Variants in CARMIL1 observed in about 807,000 individuals in gnomAD.
The protein encoded by CARMIL1 is capping protein regulator and myosin 1 linker 1.
A neutral mutation model predicts 177.1 loss-of-function variants in CARMIL1; 90 were observed. The ratio of observed to expected loss-of-function variants is 0.51; its 90% CI spans 0.43 to 0.61. The LOEUF is 0.61. CARMIL1 is among the 20% of genes least tolerant of loss of function. The pLI, the probability that CARMIL1 is intolerant of heterozygous loss-of-function variation, is 0.00. For missense variants in CARMIL1, 1,380 were observed against 1,667.0 expected, an observed-to-expected ratio of 0.83 and a Z score of 3.00; for synonymous variants, 577 against 606.2, an observed-to-expected ratio of 0.95 and a Z score of 0.71.
At chr6:25,285,703 A>G (rs1240455974) in intron 2 of CARMIL1, among the ~76,000 whole-genome samples, 1 of 152,192 alleles carries the variant, frequency 6.6e-6, no homozygotes, top group African/African-American at 2.4e-5. Context: ...AGCAGATAAT[A>G]GTATATCGAA....
At chr6:25,546,860 G>A (rs1198607648) in intron 26 of CARMIL1, among the ~76,000 whole-genome samples, 1 of 151,828 alleles carries the variant, frequency 6.6e-6, no homozygotes, top group Non-Finnish European at 1.5e-5. Flanking sequence ...GACCAGCCTG[G>A]CTAACATGGC....
intron 2 of CARMIL1, among the ~76,000 whole-genome samples, chr6:25,374,792 CTGT>C (rs1473623508): frequency 1.3e-5 from 2 of 151,552 alleles, no homozygotes; most frequent in Non-Finnish European, 2.9e-5. Flanking sequence ...TCTTTTTTTA[CTGT>C]TGTTGTTTTA....
At chr6:25,508,872 G>C (rs1805190441) in intron 17 of CARMIL1, among the ~76,000 whole-genome samples, 1 of 152,072 alleles carries the variant, frequency 6.6e-6, no homozygotes, top group Non-Finnish European at 1.5e-5. Context: ...ACAAATATTT[G>C]CTGAATGAAA....
chr6:25,320,245 T>G (rs182840198), intron 2 of CARMIL1, among the ~76,000 whole-genome samples: 1 of 152,130 alleles, frequency 6.6e-6, no homozygotes, highest in Non-Finnish European at 1.5e-5. Flanking sequence ...TGATTTCTAG[T>G]GGGGTTAGAG....
intron 26 of CARMIL1, among the ~76,000 whole-genome samples, chr6:25,549,032 G>C (rs186818633): frequency 6.0e-4 from 92 of 152,290 alleles, no homozygotes; most frequent in African/African-American, 2.1e-3. Context: ...AATATTTGCT[G>C]GATTAGTTAA....
intron 8 of CARMIL1, among the ~76,000 whole-genome samples, chr6:25,453,248 GA>G (rs35224114): frequency 2.9e-4 from 42 of 143,110 alleles, no homozygotes; most frequent in South Asian, 4.4e-4. Context: ...TTTACTATTG[GA>G]AAAAAAAAAA....
Position 25,500,442 on chromosome 6 carries a change from T to G in CARMIL1, c.1395+207T>G, listed in dbSNP as rs574038565. ...TTTAGAAAGCTTTCAAGTGTGTTTT[T>G]AATGACTTGGGTTTTGTTGTTGTTC... On this transcript the variant is annotated intron_variant, in intron 17 of 36. Transcript: ENST00000329474. Among the ~76,000 whole-genome samples the G allele has an allele frequency of 1.3e-3, 195 of 152,362 alleles. 1 individual carries two copies. Among genetic ancestry groups the G allele is most frequent in the Non-Finnish European group, 1.5e-3 (101 of 68,030 alleles).
intron 2 of CARMIL1, among the ~76,000 whole-genome samples, chr6:25,352,421 A>G (rs1157919240): frequency 6.6e-6 from 1 of 151,850 alleles, no homozygotes; most frequent in Non-Finnish European, 1.5e-5. Flanking sequence ...ACTAATGTAT[A>G]TAACTCAGGG....
At chr6:25,281,771 A>G (rs2744274) in intron 1 of CARMIL1, among the ~76,000 whole-genome samples, 12,486 of 152,136 alleles carry the variant, frequency 0.082, 903 homozygotes, top group African/African-American at 0.19. Flanking sequence ...GACCGACCAC[A>G]TGAAAACCTC....
intron 2 of CARMIL1, among the ~76,000 whole-genome samples, chr6:25,397,821 G>T (rs764374770): frequency 5.9e-5 from 9 of 152,082 alleles, no homozygotes; most frequent in Admixed American, 1.3e-4. Context: ...TACATGAAAC[G>T]TGAAATCTTA....
chr6:25,483,148 C>T lies in CARMIL1; in HGVS notation c.961+805C>T, dbSNP rs75288189. On this transcript the variant is annotated intron_variant, in intron 12 of 36. Coordinates refer to ENST00000329474, the MANE Select transcript of CARMIL1 (RefSeq NM_017640.6). ...TAAATATTGTGTCTTTCCTGCTACA[C>T]TGGGGCTCTCCTTGTGGCCTGTGCT... is the stretch of plus-strand genomic sequence containing the variant. Among the ~76,000 whole-genome samples the T allele has an allele frequency of 1.1e-3, 172 of 152,298 alleles. 2 individuals carry two copies. The East Asian group carries it at 0.028, about 25-fold the overall frequency.
chr6:25,540,709 A>G (rs1405277336), intron 26 of CARMIL1, among the ~76,000 whole-genome samples: 1 of 152,214 alleles, frequency 6.6e-6, no homozygotes, highest in Non-Finnish European at 1.5e-5. Flanking sequence ...GAAAGTTTTC[A>G]TCACTTCCAA....
chr6:25,289,297 T>C (rs1244993810), intron 2 of CARMIL1, among the ~76,000 whole-genome samples: 4 of 152,240 alleles, frequency 2.6e-5, no homozygotes, highest in Non-Finnish European at 4.4e-5. Context: ...TTGACTCTAA[T>C]TCCCTTCTCC....
intron 2 of CARMIL1, among the ~76,000 whole-genome samples, chr6:25,329,626 C>T (rs1785426182): frequency 6.6e-6 from 1 of 152,162 alleles, no homozygotes; most frequent in African/African-American, 2.4e-5. Flanking sequence ...AGAGGAAGCA[C>T]ATATGTAAAT....
intron 16 of CARMIL1, among the ~76,000 whole-genome samples, 188 bp downstream of exon 16, chr6:25,495,403 A>G (rs1042420595): frequency 3.9e-5 from 6 of 152,322 alleles, no homozygotes. Context: ...ATATTATTGC[A>G]TCTTCTAAGA....
chr6:25,451,986 G>GGGGGGGGGGGGGGGGGCCC, intron 8 of CARMIL1: 1 of 112,670 alleles, frequency 8.9e-6, no homozygotes, highest in Non-Finnish European at 1.7e-5. Flanking sequence ...CTAGCATCTT[G>GGGGGGGGGGGGGGGGGCCC]CCCCCCCCTC....
At chr6:25,508,434 T>C (rs1805134552) in intron 17 of CARMIL1, among the ~76,000 whole-genome samples, 1 of 152,194 alleles carries the variant, frequency 6.6e-6, no homozygotes. Flanking sequence ...CGGTGGCACA[T>C]GCCTGTAATT....
At chr6:25,304,908 T>A (rs1256187335) in intron 2 of CARMIL1, among the ~76,000 whole-genome samples, 1 of 152,212 alleles carries the variant, frequency 6.6e-6, no homozygotes, top group African/African-American at 2.4e-5. Context: ...TTTGGATTGG[T>A]TCTATGTCCT....
intron 24 of CARMIL1, among the ~76,000 whole-genome samples, chr6:25,533,196 C>G (rs974519582): frequency 2.0e-5 from 3 of 152,242 alleles, no homozygotes; most frequent in Non-Finnish European, 2.9e-5. Context: ...AACATGGCCT[C>G]TGTCCCTCTT....
Sources: gnomAD v4.1 joint callset for allele counts (sites outside exome capture counted in the v4.1 genomes callset) on GRCh38, gnomAD v4.1.1 for gene constraint, MANE v1.5 for transcripts, NCBI Gene and HGNC (gene_info 2026-07-23, HGNC 2026-07-21) for gene names.